The following TRPC6 variants were observed in gnomAD, a reference collection of about 807,000 sequenced individuals.
TRPC6 encodes short transient receptor potential channel 6.
Under a neutral mutation model 90.7 loss-of-function variants are expected in TRPC6, and 55 were observed. The ratio of observed to expected loss-of-function variants is 0.61; its 90% CI spans 0.49 to 0.76. TRPC6 has a LOEUF of 0.76. Ranked by LOEUF, TRPC6 falls within the 30% of genes least tolerant of loss-of-function variation. The pLI is 0.00. For synonymous variants in TRPC6, 393 were observed against 393.0 expected, an observed-to-expected ratio of 1.00 and a Z score of 0.00; for missense variants, 989 against 1,122.7, an observed-to-expected ratio of 0.88 and a Z score of 1.70.
At chr11:101,468,845 T>C (rs1164641429) in intron 10 of TRPC6, among the ~76,000 whole-genome samples, 3 of 152,222 alleles carry the variant, frequency 2.0e-5, no homozygotes, top group African/African-American at 7.2e-5. Context: ...TTCCTAATCA[T>C]TCCTTTATCA....
At chr11:101,514,408 G>T (rs1416448361) in intron 1 of TRPC6, among the ~76,000 whole-genome samples, 1 of 152,196 alleles carries the variant, frequency 6.6e-6, no homozygotes, top group African/African-American at 2.4e-5. Flanking sequence ...CTGAGGACAT[G>T]TCACTTAGCC....
At chr11:101,516,411 C>G (rs1860524640) in intron 1 of TRPC6, among the ~76,000 whole-genome samples, 2 of 152,158 alleles carry the variant, frequency 1.3e-5, no homozygotes, top group South Asian at 4.1e-4. Context: ...AATGTGATCG[C>G]TGATCATTTT....
intron 2 of TRPC6, among the ~76,000 whole-genome samples, chr11:101,499,438 TTCC>T (rs1025748023): frequency 4.0e-5 from 6 of 151,544 alleles, no homozygotes; most frequent in African/African-American, 1.5e-4. Flanking sequence ...GAAATATTTA[TTCC>T]TACTACTATT....
At chr11:101,474,157 G>C (rs934234982) in intron 6 of TRPC6, among the ~76,000 whole-genome samples, 1 of 152,126 alleles carries the variant, frequency 6.6e-6, no homozygotes, top group Non-Finnish European at 1.5e-5. Flanking sequence ...TCTTGTCTTC[G>C]TGAGAATTCA....
chr11:101,541,019 T>C (rs1446321113), intron 1 of TRPC6, among the ~76,000 whole-genome samples: 2 of 152,186 alleles, frequency 1.3e-5, no homozygotes, highest in African/African-American at 4.8e-5. Flanking sequence ...GAAATGCAGC[T>C]ACACAAGTCA....
intron 2 of TRPC6, among the ~76,000 whole-genome samples, chr11:101,503,797 G>T (rs184785396): frequency 6.2e-4 from 94 of 152,312 alleles, no homozygotes; most frequent in African/African-American, 2.2e-3. Flanking sequence ...AACGGATAAA[G>T]ATTAGATATA....
At chr11:101,474,602 T>G (rs564140717) in intron 6 of TRPC6, among the ~76,000 whole-genome samples, 9 of 152,298 alleles carry the variant, frequency 5.9e-5, no homozygotes, top group Admixed American at 3.9e-4. Context: ...AGCTTTGAAT[T>G]TTTTTAATTA....
chr11:101,493,518 G>A (rs181478843), intron 2 of TRPC6, among the ~76,000 whole-genome samples: 1 of 152,208 alleles, frequency 6.6e-6, no homozygotes, highest in East Asian at 1.9e-4. Flanking sequence ...AAATCTGCTT[G>A]GCCCCAAGCC....
chr11:101,534,356 G>A (rs957142272), intron 1 of TRPC6, among the ~76,000 whole-genome samples: 16 of 152,046 alleles, frequency 1.1e-4, no homozygotes, highest in African/African-American at 1.9e-4. Flanking sequence ...GGCTGGTCTC[G>A]AACTCCTGAC....
chr11:101,583,338 A>G lies in TRPC6; in HGVS notation c.166T>C (p.Cys56Arg). 6.3e-7 allele frequency: 1 copy of G among 1,587,318 alleles called. No individual in the cohort carries two copies. The highest frequency in any genetic ancestry group is 8.6e-7 in the Non-Finnish European group (1 of 1,167,324). Residue 56 changes from cysteine to arginine, a missense_variant, in exon 1 of 13, where the codon TGC (cysteine) becomes CGC (arginine). Physicochemically the swap from Cys to Arg is radical, Grantham distance 180. This residue lies in a region of TRPC6 where 194 missense variants were observed against 136.5 expected (regional missense o/e 1.42). Coordinates refer to ENST00000344327, the MANE Select transcript of TRPC6 (RefSeq NM_004621.6). ...APLPCYGYYP[C>R]FRGSDNRLAH... ...CCCCGCGTCGCCGGCACTCACAAGC[A>G]GGGGTAGTAGCCGTAGCAAGGCAGC...
At chr11:101,470,802 GCCCCGCC>G (rs1411407850) in intron 9 of TRPC6, among the ~76,000 whole-genome samples, 2 of 48,724 alleles carry the variant, frequency 4.1e-5, no homozygotes, top group Non-Finnish European at 7.1e-5. Context: ...TAATCAAGTT[GCCCCGCC>G]CCCCCCCCCT....
intron 1 of TRPC6, among the ~76,000 whole-genome samples, chr11:101,512,452 A>C (rs897494217): frequency 8.5e-5 from 13 of 152,324 alleles, no homozygotes; most frequent in African/African-American, 2.6e-4. Context: ...GAGAGAATGA[A>C]ATTGTGAGTA....
chr11:101,558,394 CATATA>C lies in TRPC6; in HGVS notation c.170+24935_170+24939del, dbSNP rs1169781138. ...ACATGTATATATGTATACATGTATA[CATATA>C]CACACACACATATACACACACACAT... On this transcript the variant is annotated intron_variant, in intron 1 of 12. Transcript: ENST00000344327. 6.2e-5 allele frequency among the ~76,000 whole-genome samples: 4 copies of C among 64,584 alleles called. 1 individual carries two copies. In the East Asian group the frequency reaches 8.1e-3, roughly 130 times the overall value. The allele number at this position is 64,584 out of a possible 152,430, so 42.4% of individuals were successfully genotyped here.
intron 3 of TRPC6, among the ~76,000 whole-genome samples, chr11:101,490,615 C>T (rs535455726): frequency 6.6e-6 from 1 of 152,118 alleles, no homozygotes; most frequent in Non-Finnish European, 1.5e-5. Flanking sequence ...GCCACCATAC[C>T]CAGCTAATTT....
In TRPC6 at chr11:101,583,608, C is replaced by G. The variant is rs199961884; in HGVS notation, c.-105G>C. 10 of 1,279,102 alleles carry G rather than the reference C, an allele frequency of 7.8e-6. No individual in the cohort carries two copies. Among genetic ancestry groups the G allele is most frequent in the Non-Finnish European group, 1.0e-5 (10 of 981,460 alleles). 79.2% of individuals were successfully genotyped at this position (1,279,102 alleles called of 1,614,324 possible). ...GTTCGCGTCAGCGGCCGAACTGGAC[C>G]TGGGCAGACCGGTGCCCAGGGGACG... On this transcript the variant is annotated 5_prime_UTR_variant, in exon 1 of 13. Transcript: ENST00000344327.
Position 101,485,313 on chromosome 11 carries a change from C to CAAAT in TRPC6, c.1294-2149_1294-2148insATTT, listed in dbSNP as rs537865090. ...TTAGATCCTTTTAAAATCAAACTCT[C>CAAAT]AATCAAACGATGGCAAAATTAAAAC... On this transcript the variant is annotated intron_variant, in intron 4 of 12. Coordinates refer to ENST00000344327, the MANE Select transcript of TRPC6 (RefSeq NM_004621.6). 5.4e-3 allele frequency among the ~76,000 whole-genome samples: 813 copies of CAAAT among 151,786 alleles called. 3 individuals are homozygous for CAAAT. Among genetic ancestry groups the CAAAT allele is most frequent in the African/African-American group, 0.019 (774 of 41,374 alleles).
At chr11:101,540,148 T>C (rs1861136946) in intron 1 of TRPC6, among the ~76,000 whole-genome samples, 2 of 152,222 alleles carry the variant, frequency 1.3e-5, no homozygotes, top group Admixed American at 6.5e-5. Flanking sequence ...CTCTAGGAAA[T>C]GCTGAGACAA....
intron 1 of TRPC6, among the ~76,000 whole-genome samples, chr11:101,533,403 A>T (rs1285537288): frequency 1.3e-5 from 2 of 152,146 alleles, no homozygotes; most frequent in East Asian, 1.9e-4. Flanking sequence ...GCAGTGCCAC[A>T]CACTTTTAAA....
At chr11:101,540,348 A>C (rs1036422667) in intron 1 of TRPC6, among the ~76,000 whole-genome samples, 1 of 152,242 alleles carries the variant, frequency 6.6e-6, no homozygotes, top group Non-Finnish European at 1.5e-5. Flanking sequence ...CAGGACATTA[A>C]ATTACAGCAA....
Sources: allele counts gnomAD v4.1 joint callset (sites outside exome capture counted in the v4.1 genomes callset), GRCh38; gene constraint gnomAD v4.1.1; regional missense constraint gnomAD v4.1.1; transcripts MANE v1.5; gene names NCBI Gene and HGNC (gene_info 2026-07-23, HGNC 2026-07-21).